The following NRG1 variants were observed in gnomAD, a reference collection of about 807,000 sequenced individuals.
NRG1 encodes the protein neuregulin 1, also known as pro-neuregulin-1, membrane-bound isoform.
In NRG1, 18 loss-of-function variants were observed where a neutral mutation model predicts 63.8. That is an observed-to-expected ratio of 0.28 (90% confidence interval 0.19 to 0.42). The LOEUF (loss-of-function observed/expected upper bound fraction) is 0.42, where lower values mean the gene tolerates loss of function less well. Among genes scored for constraint, NRG1 ranks in the 10% least tolerant of loss-of-function variants. The probability of loss-of-function intolerance (pLI) is 1.00; values close to 1 mark genes in which losing one functional copy is unlikely to be tolerated. For synonymous variants in NRG1, 302 were observed against 301.3 expected, an observed-to-expected ratio of 1.00 and a Z score of -0.02; for missense variants, 762 against 814.7, an observed-to-expected ratio of 0.94 and a Z score of 0.79.
chr8:32,117,762 T>G (rs1832924667), intron 1 of NRG1, among the ~76,000 whole-genome samples: 1 of 152,248 alleles, frequency 6.6e-6, no homozygotes, highest in Non-Finnish European at 1.5e-5. Context: ...TGGAATAATC[T>G]TAACCTGGTT....
intron 1 of NRG1, among the ~76,000 whole-genome samples, chr8:31,716,137 A>C (rs1812325053): frequency 6.6e-6 from 1 of 152,120 alleles, no homozygotes; most frequent in African/African-American, 2.4e-5. Context: ...TCAGAGGGAG[A>C]AGCTATATTA....
intron 1 of NRG1, among the ~76,000 whole-genome samples, chr8:31,908,193 C>T (rs531491922): frequency 7.9e-5 from 12 of 152,176 alleles, no homozygotes; most frequent in Non-Finnish European, 1.5e-4. Flanking sequence ...ACACCTCTCC[C>T]TGTAGGCAGA....
Position 32,729,193 on chromosome 8 carries a change from C to A in NRG1, c.632+1115C>A, listed in dbSNP as rs1364150354. 2.0e-5 allele frequency among the ~76,000 whole-genome samples: 3 copies of A among 152,204 alleles called. No individual in the cohort carries two copies. In the East Asian group the frequency reaches 5.8e-4, roughly 29 times the overall value. The stretch of plus-strand genomic sequence containing the variant: ...CCTTGTAGTAAAAACTAATAGGACT[C>A]ATTAAAAAGTATGTTTATTTTGCCA... On this transcript the variant is annotated intron_variant, in intron 6 of 11. Transcript: ENST00000356819.
At chr8:31,776,126 A>G (rs1368307219) in intron 1 of NRG1, among the ~76,000 whole-genome samples, 1 of 152,160 alleles carries the variant, frequency 6.6e-6, no homozygotes, top group African/African-American at 2.4e-5. Flanking sequence ...TAGAAGCTCA[A>G]ATTTTTAGGT....
At chr8:31,904,382 T>C (rs1832346755) in intron 1 of NRG1, among the ~76,000 whole-genome samples, 1 of 152,092 alleles carries the variant, frequency 6.6e-6, no homozygotes, top group Non-Finnish European at 1.5e-5. Flanking sequence ...TATTAAAAAG[T>C]CAAAAAATAA....
At chr8:32,277,060 G>A (rs1170982251) in intron 1 of NRG1, among the ~76,000 whole-genome samples, 1 of 152,178 alleles carries the variant, frequency 6.6e-6, no homozygotes, top group Admixed American at 6.5e-5. Flanking sequence ...AAGCTCATCT[G>A]CCTCATTCCT....
intron 5 of NRG1, among the ~76,000 whole-genome samples, chr8:32,700,138 G>A (rs1006513302): frequency 2.6e-5 from 4 of 151,934 alleles, no homozygotes; most frequent in Non-Finnish European, 5.9e-5. Context: ...TTAAGCAGAT[G>A]TTCTGATTAA....
chr8:32,159,757 T>C (rs533566877), intron 1 of NRG1, among the ~76,000 whole-genome samples: 1 of 152,152 alleles, frequency 6.6e-6, no homozygotes, highest in South Asian at 2.1e-4. Context: ...TTAATCTGAG[T>C]AGTATTAGTA....
intron 1 of NRG1, among the ~76,000 whole-genome samples, chr8:32,364,893 T>C (rs1032053264): frequency 2.6e-5 from 4 of 151,944 alleles, no homozygotes; most frequent in Non-Finnish European, 5.9e-5. Flanking sequence ...TAGTATTGCT[T>C]TTAATGTGAC....
intron 1 of NRG1, among the ~76,000 whole-genome samples, chr8:32,554,015 G>A (rs1303615201): frequency 1.1e-4 from 17 of 152,152 alleles, no homozygotes; most frequent in Non-Finnish European, 2.5e-4. Context: ...ATCATGTTCT[G>A]TTAGGATAGA....
At chr8:32,050,305 G>T (rs1168567097) in intron 1 of NRG1, among the ~76,000 whole-genome samples, 1 of 152,112 alleles carries the variant, frequency 6.6e-6, no homozygotes, top group Non-Finnish European at 1.5e-5. Flanking sequence ...GTAACATCGT[G>T]TCTGACTTCT....
At chr8:32,568,349 T>C (rs972765669) in intron 1 of NRG1, among the ~76,000 whole-genome samples, 3 of 152,176 alleles carry the variant, frequency 2.0e-5, no homozygotes, top group African/African-American at 7.2e-5. Context: ...ACACTGTGGA[T>C]TTTGGAGTTT....
At position 31,742,516 on chromosome 8, in the gene NRG1, T is replaced by C. The variant is rs577561706; in HGVS notation, c.37+103085T>C. Among the ~76,000 whole-genome samples the C allele has an allele frequency of 3.8e-3, 543 of 141,698 alleles. 7 individuals are homozygous for C. The highest frequency in any genetic ancestry group is 0.013 in the African/African-American group (518 of 38,618). 93.0% of individuals were successfully genotyped at this position (141,698 alleles called of 152,430 possible). A position where few individuals can be genotyped will look rare whatever the true frequency, so the allele number is the denominator to read the frequency against. ...TATTGTCTTCTATGGAAAATGTTGT[T>C]TGACCTATTAGCACTTGATTAGGTT... is the stretch of plus-strand genomic sequence containing the variant. On this transcript the variant is annotated intron_variant, in intron 1 of 10. Coordinates refer to the NRG1 transcript ENST00000519301.
At chr8:32,759,394 C>T (rs941826243) in exon 10 of NRG1, 5 of 1,613,952 alleles carry the variant, frequency 3.1e-6, no homozygotes, top group Non-Finnish European at 4.2e-6. Context: ...TATACTTCCA[C>T]AGCCCATCAC....
intron 1 of NRG1, among the ~76,000 whole-genome samples, chr8:31,918,288 A>G (rs1833590158): frequency 2.0e-5 from 3 of 152,300 alleles, no homozygotes; most frequent in Admixed American, 6.5e-5. Context: ...CAAGTTTTCA[A>G]AGGGAATGCT....
At chr8:32,755,628 C>T (rs1474252994) in intron 8 of NRG1, among the ~76,000 whole-genome samples, 2 of 152,108 alleles carry the variant, frequency 1.3e-5, no homozygotes, top group Admixed American at 6.6e-5. Flanking sequence ...CACATTCTCA[C>T]GCGTATACAT....
At chr8:32,329,822 G>C (rs191308901) in intron 1 of NRG1, among the ~76,000 whole-genome samples, 21 of 152,068 alleles carry the variant, frequency 1.4e-4, no homozygotes, top group Middle Eastern at 3.4e-3. Flanking sequence ...TAAACTACGT[G>C]ATATAGAGCA....
intron 1 of NRG1, among the ~76,000 whole-genome samples, chr8:31,815,919 G>T (rs564128396): frequency 6.6e-6 from 1 of 151,970 alleles, no homozygotes; most frequent in South Asian, 2.1e-4. Flanking sequence ...TTGATGTTAA[G>T]CATCTTTTCA....
In NRG1 at chr8:32,537,066, G is replaced by A. The variant is rs149336975; in HGVS notation, c.38-58762G>A. 2.4e-3 allele frequency among the ~76,000 whole-genome samples: 368 copies of A among 151,146 alleles called. 3 individuals are homozygous for A. Among genetic ancestry groups the A allele is most frequent in the African/African-American group, 8.6e-3 (355 of 41,252 alleles). ...CTAAAAATACAAAAATTGGCCGGGT[G>A]TAGTGGCGCATGCCAGCTACTCGGG... On this transcript the variant is annotated intron_variant, in intron 1 of 10. Coordinates refer to the NRG1 transcript ENST00000519301.
Sources: allele counts gnomAD v4.1 joint callset (sites outside exome capture counted in the v4.1 genomes callset), GRCh38; gene constraint gnomAD v4.1.1; transcripts MANE v1.5; gene names NCBI Gene and HGNC (gene_info 2026-07-23, HGNC 2026-07-21).